Variants in TSEN34 observed in about 807,000 individuals in gnomAD.
The protein encoded by TSEN34 is tRNA splicing endonuclease subunit 34.
A neutral mutation model predicts 30.2 loss-of-function variants in TSEN34; 25 were observed. That is an observed-to-expected ratio of 0.83 (90% CI 0.60 to 1.16). TSEN34 has a LOEUF of 1.16. TSEN34 is among the 50% of genes most tolerant of loss of function. The pLI is 0.00. For missense variants in TSEN34, 475 were observed against 411.9 expected, an observed-to-expected ratio of 1.15 and a Z score of -1.33; for synonymous variants, 209 against 177.4, an observed-to-expected ratio of 1.18 and a Z score of -1.41.
upstream of TSEN34, chr19:54,190,727 G>A: frequency 8.3e-7 from 1 of 1,211,992 alleles, no homozygotes; most frequent in Non-Finnish European, 1.0e-6. Flanking sequence ...GGATTCGGTG[G>A]AGCCGAGGAC....
At chr19:54,189,921 C>T (rs1002524857), upstream of TSEN34, 8 of 255,408 alleles carry the variant, frequency 3.1e-5, no homozygotes, top group Non-Finnish European at 5.4e-5. Flanking sequence ...ACAGACTCGG[C>T]CGGATGTGGG....
chr19:54,191,865 G>T lies in TSEN34; in HGVS notation c.388G>T (p.Ala130Ser). The T allele has an allele frequency of 2.5e-6, 4 of 1,614,122 alleles. No individual in the cohort carries two copies. Among genetic ancestry groups the T allele is most frequent in the Non-Finnish European group, 3.4e-6 (4 of 1,180,004 alleles). ...QAAKKQKLEQASGASSSQEAG... is the reference protein window; with the variant it reads ...QAAKKQKLEQSSGASSSQEAG... ...TGCTAAGAAGCAGAAACTAGAACAGGCTTCAGGGGCCAGCTCAAGCCAGGA... is the reference window on the plus strand; with the variant it reads ...TGCTAAGAAGCAGAAACTAGAACAGTCTTCAGGGGCCAGCTCAAGCCAGGA... Residue 130 changes from alanine to serine, a missense_variant, in exon 2 of 4, where the codon GCT becomes TCT. By Grantham distance (99) the Ala-to-Ser change is moderately conservative (BLOSUM62 1). Coordinates refer to ENST00000396388, the MANE Select transcript of TSEN34 (RefSeq NM_001077446.4).
chr19:54,191,258 C>A (rs931578727), upstream of TSEN34: 2 of 1,519,262 alleles, frequency 1.3e-6, no homozygotes, highest in Non-Finnish European at 1.8e-6. Context: ...CCCCTGAGGC[C>A]TAGGGGCGGG....
At chr19:54,190,752 C>G, upstream of TSEN34, 1 of 1,180,474 alleles carries the variant, frequency 8.5e-7, no homozygotes, top group Non-Finnish European at 1.1e-6. Context: ...GAACGCCGAA[C>G]TTCCTGTGCT....
intron 3 of TSEN34, 142 bp downstream of exon 3, chr19:54,192,515 CA>C (rs1246249736): frequency 1.7e-6 from 2 of 1,158,038 alleles, no homozygotes; most frequent in Non-Finnish European, 2.5e-6. Flanking sequence ...TGGGCTCAAG[CA>C]ATCCTTCCAC....
Position 54,193,644 on chromosome 19 carries a change from A to G in TSEN34, c.*282A>G. 9.5e-7 allele frequency: 1 copy of G among 1,048,678 alleles called. No homozygotes were observed. Among genetic ancestry groups the G allele is most frequent in the African/African-American group, 1.6e-5 (1 of 63,242 alleles). The allele number at this position is 1,048,678 out of a possible 1,614,324, so 65.0% of individuals were successfully genotyped here. On this transcript the variant is annotated 3_prime_UTR_variant, in exon 4 of 4. Transcript: ENST00000396388. ...CAGGGTTTAAGTCTCAGGAGGTCTC[A>G]ATAAACTTGGTATATAAATGTTCAT...
chr19:54,190,653 A>G, upstream of TSEN34: 1 of 1,254,008 alleles, frequency 8.0e-7, no homozygotes, highest in Non-Finnish European at 1.0e-6. Flanking sequence ...GGGGCTACGG[A>G]TTCGGCCGAG....
chr19:54,194,059 A>G lies in TSEN34; in HGVS notation c.*697A>G, dbSNP rs1457791360. On this transcript the variant is annotated 3_prime_UTR_variant, in exon 4 of 4. Transcript: ENST00000396388. ...TCTACAAAAAATAATTTAAAAAAAA[A>G]TTAGCCAGGGATCCCTTGAGCCTGG... is the stretch of plus-strand genomic sequence containing the variant. The G allele has an allele frequency of 1.3e-4, 23 of 182,380 alleles. No homozygotes were observed. In the South Asian group the frequency reaches 2.5e-3, roughly 20 times the overall value. The allele number at this position is 182,380 out of a possible 1,614,324, so 11.3% of individuals were successfully genotyped here.
At chr19:54,193,004 T>C (rs1179070886) in intron 3 of TSEN34, among the ~76,000 whole-genome samples, 171 bp from the exon 4 acceptor site, 1 of 39,704 alleles carries the variant, frequency 2.5e-5, no homozygotes, top group African/African-American at 1.6e-4. Context: ...AGACTTTGTC[T>C]CAAAAAAAAA....
chr19:54,192,441 CTTTTTTTTTT>C, intron 3 of TSEN34, 68 bp downstream of exon 3: 1 of 1,396,784 alleles, frequency 7.2e-7, no homozygotes, highest in South Asian at 1.2e-5. Flanking sequence ...CTGCGTTTTT[CTTTTTTTTTT>C]TTTTTGTCTT....
rs965941142 is a variant in TSEN34, at chr19:54,191,764, A to C, written c.287A>C (p.Glu96Ala). 1 of 1,614,164 alleles carries C rather than the reference A, an allele frequency of 6.2e-7. No homozygotes were observed. Among genetic ancestry groups the C allele is most frequent in the Non-Finnish European group, 8.5e-7 (1 of 1,180,032 alleles). ...CGCCAGCAAGAGGAGAGCTTCCAGGAGCAGAGCGCCTTGGCAGCTGAGGCC... is the reference window on the plus strand; with the variant it reads ...CGCCAGCAAGAGGAGAGCTTCCAGGCGCAGAGCGCCTTGGCAGCTGAGGCC... ...FKRQQEESFQ[E>A]QSALAAEARE... Residue 96 changes from glutamate (E) to alanine (A), a missense_variant, in exon 2 of 4, where the codon GAG (glutamate) becomes GCG (alanine). Transcript: ENST00000396388.
intron 3 of TSEN34, among the ~76,000 whole-genome samples, 182 bp downstream of exon 3, chr19:54,192,555 G>C (rs2076751256): frequency 6.6e-6 from 1 of 151,852 alleles, no homozygotes; most frequent in South Asian, 2.1e-4. Flanking sequence ...TGGAATTATA[G>C]GCCCAGCTGC....
chr19:54,189,813 A>G (rs2076587503), upstream of TSEN34: 1 of 158,030 alleles, frequency 6.3e-6, no homozygotes, highest in Non-Finnish European at 1.4e-5. Context: ...AATAGTCGAG[A>G]ACGGAGAGCT....
rs1374055375 is a variant in TSEN34, at chr19:54,194,221, G to T, written c.*859G>T. 1 of 152,496 alleles carries T rather than the reference G, an allele frequency of 6.6e-6. No homozygotes were observed. The highest frequency in any genetic ancestry group is 1.5e-5 in the Non-Finnish European group (1 of 68,602). The allele number at this position is 152,496 out of a possible 1,614,324, so 9.4% of individuals were successfully genotyped here. ...TACACACATGTATGTATATATATGT[G>T]TGTGTATATATATATATATTATGAA... On this transcript the variant is annotated 3_prime_UTR_variant, in exon 4 of 4. Transcript: ENST00000396388.
chr19:54,193,492 G>T lies in TSEN34; in HGVS notation c.*130G>T. 1 of 1,549,286 alleles carries T rather than the reference G, an allele frequency of 6.5e-7. No homozygotes were observed. The highest frequency in any genetic ancestry group is 1.2e-5 in the South Asian group (1 of 84,570). On this transcript the variant is annotated 3_prime_UTR_variant, in exon 4 of 4. Coordinates refer to ENST00000396388, the MANE Select transcript of TSEN34 (RefSeq NM_001077446.4). Reference sequence around the variant, plus strand: ...GGTTAGTTTTTGATTCCAGGTTTTCGAACACTACATCTTTTTTATGTTCTT... The same window carrying T: ...GGTTAGTTTTTGATTCCAGGTTTTCTAACACTACATCTTTTTTATGTTCTT...
chr19:54,190,357 A>G (rs1187233109), upstream of TSEN34: 19 of 1,526,492 alleles, frequency 1.2e-5, no homozygotes, highest in East Asian at 5.1e-5. Context: ...TCGACTGCGA[A>G]TTACTGTTTA....
rs2076780091 is a variant in TSEN34, at chr19:54,193,358, A to G, written c.929A>G (p.Gln310Arg). ...ACCTCCCTGCAATGGGCCAGCCTGC[A>G]GTGAACTCCAGAGACCTAGGGGATG... The part of the protein sequence containing the change: ...VYTSLQWASL[Q>R] Residue 310 changes from glutamine to arginine, a missense_variant, in exon 4 of 4, where the codon CAG becomes CGG. Transcript: ENST00000396388. 1.9e-6 allele frequency: 3 copies of G among 1,614,196 alleles called. No individual in the cohort carries two copies. Among genetic ancestry groups the G allele is most frequent in the South Asian group, 1.1e-5 (1 of 91,082 alleles).
chr19:54,191,853 A>G lies in TSEN34; in HGVS notation c.376A>G (p.Lys126Glu). 1 of 1,614,142 alleles carries G rather than the reference A, an allele frequency of 6.2e-7. No homozygotes were observed. Among genetic ancestry groups the G allele is most frequent in the Non-Finnish European group, 8.5e-7 (1 of 1,180,000 alleles). Residue 126 changes from lysine to glutamate, a missense_variant, in exon 2 of 4, where the codon AAA becomes GAA. Lys to Glu is a moderately conservative substitution (Grantham distance 56). Transcript: ENST00000396388. ...GGAGGGCCAGGCTGCTAAGAAGCAG[A>G]AACTAGAACAGGCTTCAGGGGCCAG... ...ITEGQAAKKQ[K>E]LEQASGASSS...
In TSEN34 at chr19:54,193,220, C is replaced by T. The variant is rs774262260; in HGVS notation, c.791C>T (p.Ala264Val). 12 of 1,614,038 alleles carry T rather than the reference C, an allele frequency of 7.4e-6. No homozygotes were observed. In the South Asian group the frequency reaches 9.9e-5, roughly 13 times the overall value. Residue 264 changes from alanine (A) to valine (V), a missense_variant, in exon 4 of 4, where the codon GCC (alanine) becomes GTC (valine). Physicochemically the swap from Ala to Val is moderately conservative, Grantham distance 64. Transcript: ENST00000396388. The part of the protein sequence containing the change: ...FHAHYIAQCW[A>V]PEDTIPLQDL... The stretch of plus-strand genomic sequence containing the variant: ...GCCCATTATATCGCTCAGTGCTGGG[C>T]CCCTGAGGACACCATCCCACTCCAA...
Sources: gnomAD v4.1 joint callset for allele counts (sites outside exome capture counted in the v4.1 genomes callset) on GRCh38, gnomAD v4.1.1 for gene constraint, MANE v1.5 for transcripts, NCBI Gene and HGNC (gene_info 2026-07-23, HGNC 2026-07-21) for gene names.